The following ELOF1 variants were observed in gnomAD, a reference collection of about 807,000 sequenced individuals.
ELOF1 encodes elongation factor 1, also known as transcription elongation factor 1 homolog.
A neutral mutation model predicts 7.1 loss-of-function variants in ELOF1; 4 were observed. That is an observed-to-expected ratio of 0.56 (90% CI 0.28 to 1.29). The LOEUF (loss-of-function observed/expected upper bound fraction) is 1.29, where lower values mean the gene tolerates loss of function less well. ELOF1 is among the 50% of genes most tolerant of loss of function. The pLI, the probability that ELOF1 is intolerant of heterozygous loss-of-function variation, is 0.10. For missense variants in ELOF1, 59 were observed against 86.3 expected, an observed-to-expected ratio of 0.68 and a Z score of 1.25; for synonymous variants, 31 against 31.9, an observed-to-expected ratio of 0.97 and a Z score of 0.09.
intron 1 of ELOF1, among the ~76,000 whole-genome samples, chr19:11,556,456 C>A (rs575765364): frequency 6.6e-6 from 1 of 151,984 alleles, no homozygotes; most frequent in Non-Finnish European, 1.5e-5. Context: ...TGCACTACCA[C>A]GCGTGGCTAA....
At chr19:11,554,163 G>T in intron 2 of ELOF1, 69 bp downstream of exon 2, 1 of 1,614,078 alleles carries the variant, frequency 6.2e-7, no homozygotes, top group Non-Finnish European at 8.5e-7. Context: ...GGGAGGCAAG[G>T]GGCAGGATGG....
intron 1 of ELOF1, among the ~76,000 whole-genome samples, chr19:11,558,530 C>T (rs1972866766): frequency 6.6e-6 from 1 of 151,860 alleles, no homozygotes; most frequent in Admixed American, 6.6e-5. Context: ...TCGCTTGAAG[C>T]CAGGAGTTCC....
rs138057931 is a variant in ELOF1 at position 11,553,821 on chromosome 19, T to A, written c.187+190A>T. 6.2e-7 allele frequency: 1 copy of A among 1,614,130 alleles called. No individual in the cohort carries two copies. The highest frequency in any genetic ancestry group is 2.2e-5 in the East Asian group (1 of 44,882). ...CGGGTTCTGACAGATCTGGGCCACT[T>A]AGGTCAAGGGCGATCATTGGCATTG... On this transcript the variant is annotated intron_variant, in intron 3 of 3. Coordinates refer to ENST00000586683, the Ensembl canonical transcript of ELOF1.
intron 1 of ELOF1, 48 bp from the exon 2 acceptor site, chr19:11,554,413 C>G (rs770418760): frequency 3.1e-6 from 5 of 1,590,706 alleles, no homozygotes; most frequent in Non-Finnish European, 4.3e-6. Context: ...CACGCAGCGC[C>G]CCAGCTCAAT....
intron 1 of ELOF1, 184 bp from the exon 2 acceptor site, chr19:11,554,549 AG>A: frequency 1.2e-6 from 1 of 855,056 alleles, no homozygotes; most frequent in Non-Finnish European, 1.7e-6. Flanking sequence ...TCTGGATGGA[AG>A]GGGTGAGACG....
intron 1 of ELOF1, among the ~76,000 whole-genome samples, chr19:11,555,888 G>A (rs1972826144): frequency 1.3e-5 from 2 of 152,172 alleles, no homozygotes; most frequent in African/African-American, 4.8e-5. Context: ...AGTGTGACGA[G>A]AGAAGGAAAG....
intron 1 of ELOF1, 74 bp from the exon 2 acceptor site, chr19:11,554,439 C>T: frequency 6.4e-7 from 1 of 1,551,706 alleles, no homozygotes; most frequent in South Asian, 1.2e-5. Flanking sequence ...AGAAAGCAGG[C>T]CGGAAAGAGG....
chr19:11,557,384 T>C (rs1254001605), intron 1 of ELOF1, among the ~76,000 whole-genome samples: 1 of 150,092 alleles, frequency 6.7e-6, no homozygotes, highest in Non-Finnish European at 1.5e-5. Context: ...TCACTTGAGG[T>C]TAGGAGTTGG....
rs183055108 is a variant in ELOF1, at chr19:11,556,925, T to C, written c.-19+2266A>G. 2.6e-5 allele frequency among the ~76,000 whole-genome samples: 4 copies of C among 152,310 alleles called. No individual in the cohort carries two copies. In the East Asian group the frequency reaches 7.7e-4, roughly 29 times the overall value. On this transcript the variant is annotated intron_variant, in intron 1 of 3. Coordinates refer to ENST00000586683, the Ensembl canonical transcript of ELOF1. ...CTGCCCTGGCTCCCATCCCCTTTTC[T>C]TTGAGCAACATCAAATTTTCCAGCT...
intron 1 of ELOF1, 40 bp from the exon 2 acceptor site, chr19:11,554,405 C>A: frequency 6.3e-7 from 1 of 1,596,422 alleles, no homozygotes; most frequent in Non-Finnish European, 8.6e-7. Context: ...GAGGAAACCA[C>A]GCAGCGCCCC....
intron 3 of ELOF1, chr19:11,553,572 GCACACCCACTACACACACACACACACACA>G: frequency 1.4e-6 from 1 of 708,956 alleles, no homozygotes. Context: ...ACACCCACAC[GCACACCCACTACACACACACACACACACA>G]CACACACACA....
intron 3 of ELOF1, chr19:11,553,202 G>A (rs906906270): frequency 1.5e-5 from 6 of 400,640 alleles, no homozygotes; most frequent in East Asian, 3.6e-5. Context: ...GGGACCTGGG[G>A]AACGGCGGCT....
At chr19:11,553,368 G>A (rs1419839838) in intron 3 of ELOF1, 15 of 448,282 alleles carry the variant, frequency 3.3e-5, no homozygotes, top group Non-Finnish European at 5.2e-5. Context: ...CCCCAATTCC[G>A]CCGGGGGGAG....
chr19:11,556,424 C>T (rs1312784892), intron 1 of ELOF1, among the ~76,000 whole-genome samples: 7 of 151,592 alleles, frequency 4.6e-5, no homozygotes, highest in African/African-American at 1.2e-4. Context: ...CTCAGCCTCC[C>T]GAGTAGCTGG....
exon 2 of ELOF1, chr19:11,554,233 T>C (rs750085439): frequency 3.7e-6 from 6 of 1,612,830 alleles, no homozygotes; most frequent in Non-Finnish European, 5.1e-6. Flanking sequence ...CCCACTCACA[T>C]TTTCACATCA....
chr19:11,553,887 G>C (rs560823857), intron 3 of ELOF1, 77 bp from the exon 4 acceptor site: 1 of 1,611,198 alleles, frequency 6.2e-7, no homozygotes, highest in Non-Finnish European at 8.5e-7. Context: ...GAAATCACTA[G>C]GTGGCACCTG....
intron 3 of ELOF1, chr19:11,553,581 CTACA>C (rs764641469): frequency 4.4e-6 from 3 of 676,992 alleles, no homozygotes; most frequent in African/African-American, 2.2e-5. Flanking sequence ...CGCACACCCA[CTACA>C]CACACACACA....
chr19:11,553,811 C>A lies in ELOF1; in HGVS notation c.187+200G>T, dbSNP rs1454124875. 1.9e-6 allele frequency: 3 copies of A among 1,614,188 alleles called. No individual in the cohort carries two copies. ...TACACATCCACGGGTTCTGACAGAT[C>A]TGGGCCACTTAGGTCAAGGGCGATC... On this transcript the variant is annotated intron_variant, in intron 3 of 3. Coordinates refer to ENST00000586683, the Ensembl canonical transcript of ELOF1.
At chr19:11,553,698 T>TGG in intron 3 of ELOF1, 2 of 1,612,612 alleles carry the variant, frequency 1.2e-6, no homozygotes, top group Non-Finnish European at 1.7e-6. Flanking sequence ...ACCGAACAGC[T>TGG]GGATCCACAG....
Sources: allele counts gnomAD v4.1 joint callset (sites outside exome capture counted in the v4.1 genomes callset), GRCh38; gene constraint gnomAD v4.1.1; transcripts MANE v1.5; gene names NCBI Gene and HGNC (gene_info 2026-07-23, HGNC 2026-07-21).